The following DYNLRB1 variants were observed in gnomAD, a reference collection of about 807,000 sequenced individuals.
DYNLRB1 encodes dynein light chain roadblock-type 1, also known as ROBL/LC7-like 1.
In DYNLRB1, 6 loss-of-function variants were observed where a neutral mutation model predicts 13.5. The ratio of observed to expected loss-of-function variants is 0.44; its 90% CI spans 0.24 to 0.88. The LOEUF is 0.88. DYNLRB1 is among the 40% of genes least tolerant of loss of function. The pLI is 0.21. For missense variants in DYNLRB1, 93 were observed against 127.2 expected, an observed-to-expected ratio of 0.73 and a Z score of 1.29; for synonymous variants, 43 against 45.0, an observed-to-expected ratio of 0.96 and a Z score of 0.18.
intron 3 of DYNLRB1, among the ~76,000 whole-genome samples, chr20:34,537,248 GA>G (rs1981220810): frequency 6.6e-6 from 1 of 152,194 alleles, no homozygotes; most frequent in South Asian, 2.1e-4. Context: ...TGTGCTGGAG[GA>G]CGGTGGCGCG....
At chr20:34,536,744 CA>C (rs560286767) in intron 3 of DYNLRB1, among the ~76,000 whole-genome samples, 1,023 of 55,916 alleles carry the variant, frequency 0.018, 9 homozygotes, top group African/African-American at 0.058. Context: ...GACTCTGTCT[CA>C]AAAAAAAAAA....
intron 1 of DYNLRB1, among the ~76,000 whole-genome samples, 198 bp from the exon 2 acceptor site, chr20:34,526,070 G>T (rs1394985934): frequency 6.6e-6 from 1 of 152,232 alleles, no homozygotes; most frequent in Non-Finnish European, 1.5e-5. Context: ...CTGCGTGGGG[G>T]TGTGAGCGGA....
chr20:34,522,444 TTTTC>T (rs1173725041), intron 1 of DYNLRB1, among the ~76,000 whole-genome samples: 72 of 151,368 alleles, frequency 4.8e-4, no homozygotes, highest in East Asian at 2.5e-3. Context: ...TACTTTTCTT[TTTTC>T]TTTCTTTCTT....
chr20:34,538,208 T>C (rs1319771146), intron 3 of DYNLRB1, among the ~76,000 whole-genome samples: 2 of 147,928 alleles, frequency 1.4e-5, no homozygotes, highest in African/African-American at 5.0e-5. Context: ...GCTCAAGCGA[T>C]TCTCCCACCT....
At chr20:34,521,046 T>C (rs1417263580) in intron 1 of DYNLRB1, among the ~76,000 whole-genome samples, 2 of 152,112 alleles carry the variant, frequency 1.3e-5, no homozygotes, top group African/African-American at 2.4e-5. Context: ...TGAAATGGAA[T>C]CTCACTCTGT....
chr20:34,517,883 C>T (rs928365400), intron 1 of DYNLRB1, among the ~76,000 whole-genome samples: 3 of 152,090 alleles, frequency 2.0e-5, no homozygotes, highest in African/African-American at 2.4e-5. Context: ...GTGATCTGCT[C>T]GCCTCAGCCT....
chr20:34,535,584 T>C, intron 3 of DYNLRB1: 1 of 956,928 alleles, frequency 1.0e-6, no homozygotes, highest in Non-Finnish European at 1.2e-6. Flanking sequence ...AGGCAGAGCC[T>C]CCAGGGCCGT....
chr20:34,517,497 A>G (rs866276912), intron 1 of DYNLRB1, among the ~76,000 whole-genome samples: 1 of 152,162 alleles, frequency 6.6e-6, no homozygotes, highest in African/African-American at 2.4e-5. Context: ...AAAAAAATTG[A>G]TATATAATAG....
At chr20:34,519,998 G>A (rs1485510571) in intron 1 of DYNLRB1, among the ~76,000 whole-genome samples, 11 of 151,980 alleles carry the variant, frequency 7.2e-5, no homozygotes, top group Non-Finnish European at 1.3e-4. Flanking sequence ...GCCGGAAGCC[G>A]TGCATCTGTA....
At chr20:34,533,797 C>T (rs1333008711) in intron 2 of DYNLRB1, among the ~76,000 whole-genome samples, 4 of 150,734 alleles carry the variant, frequency 2.7e-5, no homozygotes, top group Non-Finnish European at 2.9e-5. Flanking sequence ...CCAGCCTGGG[C>T]GACACAGCAA....
chr20:34,535,203 G>A (rs1412172678), intron 3 of DYNLRB1: 2 of 985,310 alleles, frequency 2.0e-6, no homozygotes, highest in Admixed American at 6.1e-5. Context: ...AGGCGGAGGG[G>A]CGGAAAGCCA....
In DYNLRB1 at chr20:34,534,758, A is replaced by T. The variant is rs753012839; in HGVS notation, c.210A>T (p.Arg70=). Residue 70 remains arginine, a synonymous_variant, in exon 3 of 4, where the codon CGA becomes CGT. Transcript: ENST00000357156. ...IDPQNDLTFL[R]IRSKKNEIMV... is the part of the protein sequence containing the mutation. ...CCCAGAACGATCTCACCTTCCTTCG[A>T]ATTCGCTCCAAGAAAAATGAAATTA... 1.9e-6 allele frequency: 3 copies of T among 1,614,070 alleles called. No homozygotes were observed. The South Asian group carries it at 3.3e-5, about 18-fold the overall frequency.
chr20:34,535,672 C>T (rs1180339893), intron 3 of DYNLRB1: 4 of 985,164 alleles, frequency 4.1e-6, no homozygotes, highest in East Asian at 1.1e-4. Flanking sequence ...GTCACGTATG[C>T]GCGTGATGGT....
intron 3 of DYNLRB1, among the ~76,000 whole-genome samples, chr20:34,540,053 A>G (rs949423050): frequency 6.6e-6 from 1 of 152,212 alleles, no homozygotes; most frequent in Non-Finnish European, 1.5e-5. Context: ...CATCTTTGAC[A>G]CTAAGTAGCT....
chr20:34,533,864 C>T (rs914166952), intron 2 of DYNLRB1, among the ~76,000 whole-genome samples: 11 of 151,504 alleles, frequency 7.3e-5, no homozygotes, highest in African/African-American at 2.2e-4. Flanking sequence ...AGGCAGGGTG[C>T]GATGGCTCAC....
chr20:34,533,501 A>C lies in DYNLRB1; in HGVS notation c.80-1127A>C, dbSNP rs1032444327. 4.1e-6 allele frequency: 4 copies of C among 985,318 alleles called. No homozygotes were observed. The African/African-American group carries it at 7.0e-5, about 17-fold the overall frequency. 61.0% of individuals were successfully genotyped at this position (985,318 alleles called of 1,614,324 possible). A position where few individuals can be genotyped will look rare whatever the true frequency, so the allele number is the denominator to read the frequency against. On this transcript the variant is annotated intron_variant, in intron 2 of 3. Transcript: ENST00000357156. ...GATGGTTATGTCCCAGCACAAGCTG[A>C]CTTTTTCTCTTCTACTTTTTAGTGT... is the stretch of plus-strand genomic sequence containing the variant.
rs754412624 is a variant in DYNLRB1, at chr20:34,534,656, C to T, written c.108C>T (p.Asn36=). Residue 36 remains asparagine (N), a synonymous_variant, in exon 3 of 4, where the codon AAC becomes AAT. Coordinates refer to ENST00000357156, the MANE Select transcript of DYNLRB1 (RefSeq NM_014183.4). ...EGIPIKSTMD[N]PTTTQYASLM... is the part of the protein sequence containing the mutation. ...TTCCCATCAAGAGCACCATGGACAA[C>T]CCCACCACCACCCAGTATGCCAGCC... The T allele has an allele frequency of 1.9e-6, 3 of 1,581,082 alleles. No homozygotes were observed. The highest frequency in any genetic ancestry group is 1.3e-5 in the African/African-American group (1 of 74,514).
chr20:34,529,359 T>A (rs1218518080), intron 2 of DYNLRB1, among the ~76,000 whole-genome samples: 1 of 152,192 alleles, frequency 6.6e-6, no homozygotes, highest in Non-Finnish European at 1.5e-5. Flanking sequence ...AGAAGCAGAG[T>A]TCTCAGCAAT....
At chr20:34,529,844 A>C (rs1980565250) in intron 2 of DYNLRB1, 3 of 1,512,848 alleles carry the variant, frequency 2.0e-6, no homozygotes, top group Non-Finnish European at 2.7e-6. Flanking sequence ...TGGTCATTTC[A>C]TTTACAGGAG....
Sources: gnomAD v4.1 joint callset for allele counts (sites outside exome capture counted in the v4.1 genomes callset) on GRCh38, gnomAD v4.1.1 for gene constraint, MANE v1.5 for transcripts, NCBI Gene and HGNC (gene_info 2026-07-23, HGNC 2026-07-21) for gene names.